SLC35F3: variants seen among roughly 807,000 people sequenced by gnomAD.
The protein encoded by SLC35F3 is solute carrier family 35 member F3.
Under a neutral mutation model 49.9 loss-of-function variants are expected in SLC35F3, and 25 were observed. That is an observed-to-expected ratio of 0.50 (90% CI 0.37 to 0.70). The LOEUF (loss-of-function observed/expected upper bound fraction) is 0.70, where lower values mean the gene tolerates loss of function less well. Ranked by LOEUF, SLC35F3 falls within the 30% of genes least tolerant of loss-of-function variation. The pLI is 0.00. For synonymous variants in SLC35F3, 275 were observed against 265.4 expected, an observed-to-expected ratio of 1.04 and a Z score of -0.35; for missense variants, 525 against 639.8, an observed-to-expected ratio of 0.82 and a Z score of 1.94.
At chr1:234,269,615 C>G (rs1238023992) in intron 3 of SLC35F3, among the ~76,000 whole-genome samples, 1 of 152,040 alleles carries the variant, frequency 6.6e-6, no homozygotes, top group East Asian at 1.9e-4. Flanking sequence ...ATGTTTGTCC[C>G]CTCTAAATCT....
At chr1:234,308,607 G>A (rs961346084) in intron 3 of SLC35F3, among the ~76,000 whole-genome samples, 3 of 150,832 alleles carry the variant, frequency 2.0e-5, no homozygotes, top group Admixed American at 1.3e-4. Flanking sequence ...CTCCATTACC[G>A]TCCTTCTCCC....
intron 3 of SLC35F3, among the ~76,000 whole-genome samples, chr1:234,297,631 C>T (rs1457913308): frequency 3.3e-5 from 5 of 151,766 alleles, no homozygotes; most frequent in Non-Finnish European, 7.4e-5. Flanking sequence ...GTAATCTTAG[C>T]ACTTTGGGAG....
chr1:234,224,675 C>T (rs1338085185), intron 2 of SLC35F3, among the ~76,000 whole-genome samples: 1 of 152,186 alleles, frequency 6.6e-6, no homozygotes, highest in African/African-American at 2.4e-5. Flanking sequence ...TTCTGTATTC[C>T]CGTTGATGCT....
intron 2 of SLC35F3, among the ~76,000 whole-genome samples, chr1:233,922,728 C>T (rs927523557): frequency 7.2e-5 from 11 of 152,092 alleles, no homozygotes; most frequent in African/African-American, 2.2e-4. Context: ...TGCCCATACC[C>T]ATGTCATGAA....
rs114303583 is a variant in SLC35F3, at chr1:234,210,103, G to A, written c.284-21314G>A. Among the ~76,000 whole-genome samples, 788 of 152,192 alleles carry A rather than the reference G, an allele frequency of 5.2e-3. 3 individuals are homozygous for A. The highest frequency in any genetic ancestry group is 0.018 in the African/African-American group (748 of 41,514). The stretch of plus-strand genomic sequence containing the variant: ...AGAGTGAGTAAGTCTCATGAGAAAC[G>A]ATGGTTCTATAATGGAGAGTTTCCC... On this transcript the variant is annotated intron_variant, in intron 2 of 7. Coordinates refer to ENST00000366618, the MANE Select transcript of SLC35F3 (RefSeq NM_173508.4).
chr1:233,968,183 C>G (rs990081531), intron 2 of SLC35F3, among the ~76,000 whole-genome samples: 2 of 152,136 alleles, frequency 1.3e-5, no homozygotes, highest in African/African-American at 4.8e-5. Context: ...ATCCATCACT[C>G]CAATCTCTGC....
intron 2 of SLC35F3, among the ~76,000 whole-genome samples, chr1:234,063,902 G>A (rs1407593441): frequency 6.6e-6 from 1 of 152,166 alleles, no homozygotes; most frequent in African/African-American, 2.4e-5. Context: ...TCTGAGACCT[G>A]CCAATGGCCG....
chr1:234,020,400 G>A (rs1358209475), intron 2 of SLC35F3, among the ~76,000 whole-genome samples: 1 of 152,114 alleles, frequency 6.6e-6, no homozygotes, highest in Non-Finnish European at 1.5e-5. Context: ...ATAGACAGAG[G>A]CAGGCTATTA....
chr1:234,020,990 AGGC>A (rs772526624), intron 2 of SLC35F3, among the ~76,000 whole-genome samples: 44 of 152,246 alleles, frequency 2.9e-4, no homozygotes, highest in Non-Finnish European at 5.4e-4. Context: ...GGCCGCATAA[AGGC>A]ATAGCTGCGG....
chr1:233,997,871 C>T (rs1195512715), intron 2 of SLC35F3, among the ~76,000 whole-genome samples: 2 of 152,056 alleles, frequency 1.3e-5, no homozygotes, highest in African/African-American at 4.8e-5. Flanking sequence ...CCTTCCTCAG[C>T]TTCCCAAGTA....
intron 3 of SLC35F3, among the ~76,000 whole-genome samples, chr1:234,294,060 C>T (rs956855947): frequency 6.6e-6 from 1 of 152,182 alleles, no homozygotes; most frequent in African/African-American, 2.4e-5. Context: ...TGGGATAATT[C>T]CCCTGAATGT....
At position 233,916,241 on chromosome 1, in the gene SLC35F3, A is replaced by C. The variant is rs182276329; in HGVS notation, c.283+10483A>C. Among the ~76,000 whole-genome samples the C allele has an allele frequency of 2.6e-4, 39 of 152,324 alleles. 1 individual carries two copies. In the East Asian group the frequency reaches 7.5e-3, roughly 29 times the overall value. On this transcript the variant is annotated intron_variant, in intron 2 of 7. Transcript: ENST00000366618. ...CGACATTTTGTTTTATTAACTATTA[A>C]ATGTAAAAATATTTCATTTACTTAT...
At chr1:233,981,328 C>T (rs1395511737) in intron 2 of SLC35F3, among the ~76,000 whole-genome samples, 1 of 152,208 alleles carries the variant, frequency 6.6e-6, no homozygotes, top group African/African-American at 2.4e-5. Context: ...TTTCTGCCGC[C>T]TCTAACCCTA....
At chr1:233,948,212 GGAGAGAGGGAGAGAGGGAGA>G (rs1324069822) in intron 2 of SLC35F3, among the ~76,000 whole-genome samples, 4 of 137,196 alleles carry the variant, frequency 2.9e-5, no homozygotes, top group African/African-American at 8.4e-5. Context: ...AGGGAGAGAG[GGAGAGAGGGAGAGAGGGAGA>G]GAGAGAGAGA....
rs776670351 is a variant in SLC35F3 at position 234,316,597 on chromosome 1, T to A, written c.829-5T>A. On this transcript the variant is annotated splice_polypyrimidine_tract_variant and splice_region_variant and intron_variant, in intron 4 of 7. Coordinates refer to ENST00000366618, the MANE Select transcript of SLC35F3 (RefSeq NM_173508.4). ...CCTGACCAGCATTTTCTTCCGTCTG[T>A]CCAGATTGTGGCCGCCATCCTCGCC... The A allele has an allele frequency of 8.7e-6, 14 of 1,606,482 alleles. No homozygotes were observed. The East Asian group carries it at 3.1e-4, about 36-fold the overall frequency.
At chr1:234,203,434 C>T (rs1264319892) in intron 2 of SLC35F3, among the ~76,000 whole-genome samples, 1 of 152,122 alleles carries the variant, frequency 6.6e-6, no homozygotes, top group Non-Finnish European at 1.5e-5. Context: ...TGGTTTTGGC[C>T]AGGCGCAAGG....
At chr1:233,968,076 T>C (rs1662929419) in intron 2 of SLC35F3, among the ~76,000 whole-genome samples, 1 of 152,208 alleles carries the variant, frequency 6.6e-6, no homozygotes, top group Non-Finnish European at 1.5e-5. Flanking sequence ...AGTGGGTTCC[T>C]TCTAAGAGCT....
chr1:234,066,422 T>A (rs1316575093), intron 2 of SLC35F3, among the ~76,000 whole-genome samples: 1 of 152,108 alleles, frequency 6.6e-6, no homozygotes, highest in African/African-American at 2.4e-5. Flanking sequence ...GCCTCATTGC[T>A]GTTTCTGGAT....
At chr1:234,281,193 T>C (rs1209088485) in intron 3 of SLC35F3, among the ~76,000 whole-genome samples, 1 of 152,140 alleles carries the variant, frequency 6.6e-6, no homozygotes, top group Admixed American at 6.5e-5. Context: ...AGTGAGGTCC[T>C]TGGGCTCTGA....
Sources: gnomAD v4.1 joint callset for allele counts (sites outside exome capture counted in the v4.1 genomes callset) on GRCh38, gnomAD v4.1.1 for gene constraint, MANE v1.5 for transcripts, NCBI Gene and HGNC (gene_info 2026-07-23, HGNC 2026-07-21) for gene names.